Variants in MTHFD1L observed in about 807,000 individuals in gnomAD.
The protein encoded by MTHFD1L is methylenetetrahydrofolate dehydrogenase (NADP+ dependent) 1 like, also known as monofunctional C1-tetrahydrofolate synthase, mitochondrial.
In MTHFD1L, 81 loss-of-function variants were observed where a neutral mutation model predicts 119.5. The observed-to-expected ratio is 0.68, with a 90% CI of 0.57 to 0.82. MTHFD1L has a LOEUF of 0.82. Among genes scored for constraint, MTHFD1L ranks in the 40% least tolerant of loss-of-function variants. The pLI is 0.00. For missense variants in MTHFD1L, 1,125 were observed against 1,253.4 expected (o/e 0.90, Z 1.55); for synonymous variants, 430 against 475.2 (o/e 0.90, Z 1.24).
chr6:150,976,016 G>T (rs1393650824), intron 20 of MTHFD1L, among the ~76,000 whole-genome samples: 7 of 152,130 alleles, frequency 4.6e-5, no homozygotes, highest in Non-Finnish European at 1.0e-4. Context: ...TGGCCAACAT[G>T]GTGAAACCCC....
intron 7 of MTHFD1L, among the ~76,000 whole-genome samples, chr6:150,889,420 G>A (rs998545725): frequency 1.3e-5 from 2 of 152,164 alleles, no homozygotes; most frequent in Non-Finnish European, 2.9e-5. Flanking sequence ...TAAAGAAAAG[G>A]TATATAAATC....
At chr6:151,085,541 C>T (rs1031104672) in intron 26 of MTHFD1L, among the ~76,000 whole-genome samples, 5 of 152,130 alleles carry the variant, frequency 3.3e-5, no homozygotes, top group African/African-American at 7.2e-5. Flanking sequence ...GAAGCCGAGG[C>T]GGGTGGATCA....
At chr6:151,028,680 G>A (rs1388136448) in intron 24 of MTHFD1L, among the ~76,000 whole-genome samples, 1 of 152,156 alleles carries the variant, frequency 6.6e-6, no homozygotes, top group Non-Finnish European at 1.5e-5. Flanking sequence ...TGCTTAATGG[G>A]TACAGTTTCA....
At chr6:151,009,991 G>C (rs746046647) in intron 21 of MTHFD1L, 33 bp downstream of exon 21, 8 of 1,542,654 alleles carry the variant, frequency 5.2e-6, no homozygotes, top group Non-Finnish European at 6.9e-6. Flanking sequence ...TAATACCAAA[G>C]AAATTTCATT....
chr6:150,912,078 A>C (rs775100812), intron 8 of MTHFD1L, among the ~76,000 whole-genome samples: 1 of 152,156 alleles, frequency 6.6e-6, no homozygotes, highest in Non-Finnish European at 1.5e-5. Context: ...TCATGAGAAC[A>C]GCACCAATGG....
At chr6:150,907,886 C>A (rs1441304206) in intron 8 of MTHFD1L, among the ~76,000 whole-genome samples, 1 of 149,194 alleles carries the variant, frequency 6.7e-6, no homozygotes, top group Non-Finnish European at 1.5e-5. Context: ...GCTTAGTAAC[C>A]GCTCTGTGAA....
At chr6:151,085,749 C>T (rs538806667) in intron 26 of MTHFD1L, among the ~76,000 whole-genome samples, 13 of 147,352 alleles carry the variant, frequency 8.8e-5, no homozygotes, top group Admixed American at 2.8e-4. Flanking sequence ...TCAGCCTGGG[C>T]GACAGAGCGA....
chr6:150,934,454 C>T (rs938732847), intron 11 of MTHFD1L, among the ~76,000 whole-genome samples: 34 of 152,126 alleles, frequency 2.2e-4, no homozygotes, highest in African/African-American at 2.9e-4. Flanking sequence ...TCACATTTAT[C>T]GTAATTGCTG....
chr6:151,075,591 A>G (rs368269879), intron 26 of MTHFD1L, among the ~76,000 whole-genome samples: 4 of 152,240 alleles, frequency 2.6e-5, no homozygotes, highest in African/African-American at 4.8e-5. Flanking sequence ...GTAAAAATCA[A>G]TAAGGATTTA....
Position 150,910,849 on chromosome 6 carries a change from T to A in MTHFD1L, c.892+5088T>A, listed in dbSNP as rs114012625. Among the ~76,000 whole-genome samples the A allele has an allele frequency of 6.6e-3, 1,008 of 152,304 alleles. 12 individuals are homozygous for A. Among genetic ancestry groups the A allele is most frequent in the African/African-American group, 0.023 (937 of 41,556 alleles). On this transcript the variant is annotated intron_variant, in intron 8 of 27. Transcript: ENST00000367321. ...ATCTTGGCACAATATACATTTATAT[T>A]TGAAAAATCAAACCCAAGAAAGGAA... is the stretch of plus-strand genomic sequence containing the variant.
At chr6:150,872,812 C>T (rs1779754599) in intron 1 of MTHFD1L, among the ~76,000 whole-genome samples, 2 of 151,404 alleles carry the variant, frequency 1.3e-5, no homozygotes, top group Middle Eastern at 3.4e-3. Context: ...TTTCTATCCA[C>T]ATCCACCCCC....
Position 150,978,879 on chromosome 6 carries a change from A to G in MTHFD1L, c.2125+6821A>G, listed in dbSNP as rs543161013. 1.3e-4 allele frequency among the ~76,000 whole-genome samples: 20 copies of G among 152,242 alleles called. No homozygotes were observed. The South Asian group carries it at 1.9e-3, about 14-fold the overall frequency. ...TCCTCCTCGCCAAAGCTTGTGGGTG[A>G]TCAGGCGGCTATTGTGCTCAGTGTT... is the stretch of plus-strand genomic sequence containing the variant. On this transcript the variant is annotated intron_variant, in intron 20 of 27. Transcript: ENST00000367321.
intron 21 of MTHFD1L, among the ~76,000 whole-genome samples, chr6:151,012,942 C>T (rs1026576797): frequency 5.9e-5 from 9 of 152,164 alleles, no homozygotes; most frequent in Admixed American, 5.2e-4. Context: ...AGTTGAGACC[C>T]ACCCACATTA....
intron 20 of MTHFD1L, among the ~76,000 whole-genome samples, chr6:151,002,896 G>C (rs1029394974): frequency 1.3e-5 from 2 of 152,154 alleles, no homozygotes; most frequent in East Asian, 1.9e-4. Flanking sequence ...CCTTGTTGGC[G>C]GGGGGAGGGT....
At chr6:150,885,498 C>T in intron 5 of MTHFD1L, 136 bp from the exon 6 acceptor site, 2 of 637,882 alleles carry the variant, frequency 3.1e-6, no homozygotes, top group East Asian at 2.9e-5. Flanking sequence ...GCCTGGTCCT[C>T]TTTAATTCAT....
chr6:151,042,722 A>G (rs1360383811), intron 26 of MTHFD1L, among the ~76,000 whole-genome samples: 1 of 152,272 alleles, frequency 6.6e-6, no homozygotes, highest in Non-Finnish European at 1.5e-5. Context: ...AAACAATATT[A>G]TTGAGAAGTA....
intron 17 of MTHFD1L, chr6:150,959,103 G>A (rs1165369127): frequency 1.3e-6 from 1 of 792,082 alleles, no homozygotes; most frequent in Non-Finnish European, 1.5e-6. Context: ...CTTATGTTTG[G>A]AATGAGTTAT....
chr6:150,976,097 G>A (rs1403810307), intron 20 of MTHFD1L, among the ~76,000 whole-genome samples: 2 of 152,154 alleles, frequency 1.3e-5, no homozygotes, highest in East Asian at 3.9e-4. Flanking sequence ...CTACTCAGGA[G>A]GCTGAGGCAG....
At chr6:151,044,149 T>C (rs770646452) in intron 26 of MTHFD1L, among the ~76,000 whole-genome samples, 20 of 152,084 alleles carry the variant, frequency 1.3e-4, no homozygotes, top group Admixed American at 2.6e-4. Context: ...AGGGATACAC[T>C]GTGGAGGTCC....
Sources: allele counts gnomAD v4.1 joint callset (sites outside exome capture counted in the v4.1 genomes callset), GRCh38; gene constraint gnomAD v4.1.1; transcripts MANE v1.5; gene names NCBI Gene and HGNC (gene_info 2026-07-23, HGNC 2026-07-21).